The following SAMD4B variants were observed in gnomAD, a reference collection of about 807,000 sequenced individuals.
SAMD4B encodes sterile alpha motif domain containing 4B.
In SAMD4B, 5 loss-of-function variants were observed where a neutral mutation model predicts 74.5. The ratio of observed to expected loss-of-function variants is 0.07; its 90% confidence interval spans 0.04 to 0.14. The LOEUF is 0.14. SAMD4B is among the 10% of genes least tolerant of loss of function. The probability of loss-of-function intolerance (pLI) is 1.00; values close to 1 mark genes in which losing one functional copy is unlikely to be tolerated. For synonymous variants in SAMD4B, 373 were observed against 374.9 expected (o/e 1.00, Z 0.06); for missense variants, 608 against 921.8 (o/e 0.66, Z 4.41).
At chr19:39,382,797 A>G (rs964675149) in intron 12 of SAMD4B, among the ~76,000 whole-genome samples, 1 of 152,142 alleles carries the variant, frequency 6.6e-6, no homozygotes, top group Non-Finnish European at 1.5e-5. Context: ...GGGGACAGGA[A>G]GGGTTTTGAT....
chr19:39,388,352 CATT>C (rs1372619527), downstream of SAMD4B: 1 of 1,614,044 alleles, frequency 6.2e-7, no homozygotes, highest in Non-Finnish European at 8.5e-7. Context: ...GTTTCCAACT[CATT>C]GTAGTAAACC....
intron 2 of SAMD4B, among the ~76,000 whole-genome samples, chr19:39,355,036 C>T (rs2076266871): frequency 6.6e-6 from 1 of 152,230 alleles, no homozygotes; most frequent in East Asian, 1.9e-4. Flanking sequence ...GCACGCCCGG[C>T]TAATTTTTGT....
At chr19:39,373,018 G>A (rs1462273347) in intron 4 of SAMD4B, among the ~76,000 whole-genome samples, 8 of 152,168 alleles carry the variant, frequency 5.3e-5, no homozygotes, top group African/African-American at 1.7e-4. Flanking sequence ...TTCCTAGCCA[G>A]GAGCATTAGT....
intron 10 of SAMD4B, 56 bp downstream of exon 10, chr19:39,380,140 C>A: frequency 7.3e-7 from 1 of 1,368,250 alleles, no homozygotes; most frequent in Non-Finnish European, 1.0e-6. Flanking sequence ...TGCTGGTTAG[C>A]AGATCGTGCT....
At chr19:39,360,239 C>T (rs1389685521) in intron 3 of SAMD4B, 1 of 151,992 alleles carries the variant, frequency 6.6e-6, no homozygotes, top group Non-Finnish European at 1.5e-5. Context: ...CCACATTGCC[C>T]TTGAAAGACA....
At chr19:39,362,308 T>C (rs1324138632) in intron 3 of SAMD4B, among the ~76,000 whole-genome samples, 1 of 152,204 alleles carries the variant, frequency 6.6e-6, no homozygotes, top group East Asian at 1.9e-4. Context: ...ATGCTGACGC[T>C]GATTTTGGGT....
Position 39,356,694 on chromosome 19 carries a change from T to C in SAMD4B, c.-200T>C, listed in dbSNP as rs73546080. The C allele has an allele frequency of 3.8e-3, 1,889 of 499,248 alleles. 29 individuals carry two copies. Among genetic ancestry groups the C allele is most frequent in the African/African-American group, 0.033 (1,719 of 51,632 alleles). 30.9% of individuals were successfully genotyped at this position (499,248 alleles called of 1,614,324 possible). A position where few individuals can be genotyped will look rare whatever the true frequency, so the allele number is the denominator to read the frequency against. On this transcript the variant is annotated 5_prime_UTR_variant, in exon 3 of 14. Transcript: ENST00000610417. ...CCCTTTGCTTCCTTTTTCAGGAAAC[T>C]GGAGAGGCGTGGCTGGACCAAGACC...
rs773577649 is a variant in SAMD4B, at chr19:39,369,636, C to T, written c.197-19C>T. On this transcript the variant is annotated intron_variant, in intron 3 of 13. Coordinates refer to ENST00000610417, the MANE Select transcript of SAMD4B (RefSeq NM_001384574.2). ...CCCCACCCTGGCTCTCCTGATATTTCTTCTTATCCCTTCTGTAGCCATCGT... is the reference window on the plus strand; with the variant it reads ...CCCCACCCTGGCTCTCCTGATATTTTTTCTTATCCCTTCTGTAGCCATCGT... 1.1e-5 allele frequency: 17 copies of T among 1,607,212 alleles called. No individual in the cohort carries two copies. In the South Asian group the frequency reaches 1.7e-4, roughly 16 times the overall value.
At position 39,380,214 on chromosome 19, in the gene SAMD4B, A is replaced by G. The variant is rs1049221024; in HGVS notation, c.1649+130A>G. ...TATTCAGTCACTGGGCGACTTTCCC[A>G]GAAGAAAATTTCCACTAGAATAGGA... On this transcript the variant is annotated intron_variant, in intron 10 of 13. Transcript: ENST00000610417. 13 of 707,248 alleles carry G rather than the reference A, an allele frequency of 1.8e-5. No homozygotes were observed. The Admixed American group carries it at 2.7e-4, about 14-fold the overall frequency. The allele number at this position is 707,248 out of a possible 1,614,324, so 43.8% of individuals were successfully genotyped here.
chr19:39,355,618 A>G (rs748106929), intron 2 of SAMD4B, among the ~76,000 whole-genome samples: 2 of 152,234 alleles, frequency 1.3e-5, no homozygotes, highest in African/African-American at 2.4e-5. Flanking sequence ...GACAGATGGA[A>G]GAAATGTTGA....
At chr19:39,377,402 C>A in intron 7 of SAMD4B, 83 bp from the exon 8 acceptor site, 2 of 1,248,258 alleles carry the variant, frequency 1.6e-6, no homozygotes, top group Non-Finnish European at 2.2e-6. Context: ...CTTCTGCAAG[C>A]CCTGTCTGAC....
chr19:39,356,779 C>A lies in SAMD4B; in HGVS notation c.-115C>A, dbSNP rs1180200975. The A allele has an allele frequency of 5.9e-6, 5 of 854,174 alleles. No homozygotes were observed. The highest frequency in any genetic ancestry group is 8.8e-6 in the Non-Finnish European group (5 of 568,514). The allele number at this position is 854,174 out of a possible 1,614,324, so 52.9% of individuals were successfully genotyped here. A position where few individuals can be genotyped will look rare whatever the true frequency, so the allele number is the denominator to read the frequency against. ...CAACCGTTGCCACCACGCCCAGAAA[C>A]GTCCTTAAGCCCTGGCCCTCAGGGG... is the stretch of plus-strand genomic sequence containing the variant. On this transcript the variant is annotated 5_prime_UTR_variant, in exon 3 of 14. Coordinates refer to ENST00000610417, the MANE Select transcript of SAMD4B (RefSeq NM_001384574.2).
chr19:39,348,831 A>AGCAGATAT (rs2075850990), intron 1 of SAMD4B, among the ~76,000 whole-genome samples: 1 of 152,164 alleles, frequency 6.6e-6, no homozygotes, highest in Non-Finnish European at 1.5e-5. Flanking sequence ...GATGTAGAGA[A>AGCAGATAT]GCAGATATAT....
intron 12 of SAMD4B, among the ~76,000 whole-genome samples, chr19:39,382,494 T>C (rs1207358151): frequency 6.6e-6 from 1 of 151,594 alleles, no homozygotes; most frequent in African/African-American, 2.4e-5. Flanking sequence ...GAGCTCAGGG[T>C]TCAGAGGGAA....
At chr19:39,374,329 CA>C (rs2077477668) in intron 4 of SAMD4B, among the ~76,000 whole-genome samples, 1 of 152,094 alleles carries the variant, frequency 6.6e-6, no homozygotes, top group Non-Finnish European at 1.5e-5. Flanking sequence ...GGGTATGGAG[CA>C]TCCTTCAGAA....
chr19:39,351,218 A>T (rs545731139), intron 1 of SAMD4B: 2 of 152,432 alleles, frequency 1.3e-5, no homozygotes, highest in Admixed American at 1.3e-4. Context: ...TCCTGAGCTC[A>T]AGCGATCCAC....
downstream of SAMD4B, chr19:39,386,837 G>A (rs759112237): frequency 1.4e-6 from 2 of 1,432,612 alleles, no homozygotes; most frequent in South Asian, 2.3e-5. The surrounding 1 kb of genome is among the most constrained non-coding windows in gnomAD (Gnocchi z 6.1). Context: ...AGTGGAAGAT[G>A]CAGTTAAAGA....
In SAMD4B at chr19:39,376,869, C is replaced by T. The variant is rs1372599912; in HGVS notation, c.1104+78C>T. 10 of 1,235,046 alleles carry T rather than the reference C, an allele frequency of 8.1e-6. No homozygotes were observed. In the African/African-American group the frequency reaches 1.5e-4, roughly 19 times the overall value. 76.5% of individuals were successfully genotyped at this position (1,235,046 alleles called of 1,614,324 possible). A position where few individuals can be genotyped will look rare whatever the true frequency, so the allele number is the denominator to read the frequency against. On this transcript the variant is annotated intron_variant, in intron 7 of 13. Coordinates refer to ENST00000610417, the MANE Select transcript of SAMD4B (RefSeq NM_001384574.2). The stretch of plus-strand genomic sequence containing the variant: ...AGTAGACCAAAGGCCCTGAGTTGGC[C>T]TCCAGACTCCTCGGATGTGGCCTCC...
intron 1 of SAMD4B, among the ~76,000 whole-genome samples, chr19:39,343,853 C>T (rs2075499939): frequency 6.6e-6 from 1 of 151,876 alleles, no homozygotes; most frequent in African/African-American, 2.4e-5. Flanking sequence ...CGTAGAACTC[C>T]CCTTCACTAA....
Sources: gnomAD v4.1 joint callset for allele counts (sites outside exome capture counted in the v4.1 genomes callset) on GRCh38, gnomAD v4.1.1 for gene constraint, Gnocchi (gnomAD v3.1) non-coding constraint, MANE v1.5 for transcripts, NCBI Gene and HGNC (gene_info 2026-07-23, HGNC 2026-07-21) for gene names.